PTPRR: variants seen among roughly 807,000 people sequenced by gnomAD.
PTPRR encodes protein tyrosine phosphatase receptor type R.
A neutral mutation model predicts 77.2 loss-of-function variants in PTPRR; 38 were observed. The observed-to-expected ratio is 0.49, with a 90% CI of 0.38 to 0.65. The LOEUF (loss-of-function observed/expected upper bound fraction) is 0.65, where lower values mean the gene tolerates loss of function less well. PTPRR is among the 30% of genes least tolerant of loss of function. The probability of loss-of-function intolerance (pLI) is 0.00; values close to 1 mark genes in which losing one functional copy is unlikely to be tolerated. For missense variants in PTPRR, 744 were observed against 799.2 expected (o/e 0.93, Z 0.83); for synonymous variants, 299 against 283.1 (o/e 1.06, Z -0.57).
intron 1 of PTPRR, among the ~76,000 whole-genome samples, chr12:70,899,273 A>T (rs1441656423): frequency 1.3e-5 from 2 of 151,486 alleles, no homozygotes; most frequent in Non-Finnish European, 3.0e-5. Flanking sequence ...CCTAAAAAAA[A>T]ACACTATAGA....
chr12:70,642,969 G>A (rs1007865936), intron 13 of PTPRR, among the ~76,000 whole-genome samples: 21 of 152,202 alleles, frequency 1.4e-4, no homozygotes, highest in Admixed American at 1.1e-3. Flanking sequence ...CCAGGAGCTC[G>A]AGACCAGCCT....
intron 2 of PTPRR, among the ~76,000 whole-genome samples, chr12:70,843,535 T>C (rs1192184294): frequency 1.3e-5 from 2 of 152,162 alleles, no homozygotes; most frequent in Admixed American, 6.6e-5. Context: ...GTAAGATATA[T>C]GGAATGAAGT....
chr12:70,723,982 C>T (rs1039258401), intron 6 of PTPRR, among the ~76,000 whole-genome samples: 1 of 151,916 alleles, frequency 6.6e-6, no homozygotes, highest in East Asian at 1.9e-4. Context: ...ATTAGACAAA[C>T]ACACAAAAAA....
intron 8 of PTPRR, among the ~76,000 whole-genome samples, chr12:70,697,260 T>C (rs1358038058): frequency 6.6e-6 from 1 of 152,174 alleles, no homozygotes; most frequent in Non-Finnish European, 1.5e-5. Context: ...AAAATTATAG[T>C]TATCCTCATG....
At chr12:70,701,359 A>G (rs891123074) in intron 6 of PTPRR, 36 bp from the exon 7 acceptor site, 9 of 1,580,442 alleles carry the variant, frequency 5.7e-6, no homozygotes, top group African/African-American at 1.3e-5. Context: ...TAAACACCAC[A>G]TACTTATTTT....
At chr12:70,744,385 C>T (rs984182697) in intron 6 of PTPRR, among the ~76,000 whole-genome samples, 1 of 152,184 alleles carries the variant, frequency 6.6e-6, no homozygotes, top group African/African-American at 2.4e-5. Flanking sequence ...TGGAGACCTA[C>T]ATTGCCCATC....
At chr12:70,837,651 A>G (rs1892327209) in intron 2 of PTPRR, among the ~76,000 whole-genome samples, 1 of 152,146 alleles carries the variant, frequency 6.6e-6, no homozygotes, top group South Asian at 2.1e-4. Flanking sequence ...CTCTCTGGGT[A>G]TGCCACCCTC....
chr12:70,798,874 T>C (rs969730469), intron 2 of PTPRR, among the ~76,000 whole-genome samples: 4 of 152,016 alleles, frequency 2.6e-5, no homozygotes, highest in African/African-American at 9.7e-5. Flanking sequence ...CTTTGAGGAG[T>C]AAGCCACTTT....
chr12:70,726,483 G>A (rs1889440896), intron 6 of PTPRR, among the ~76,000 whole-genome samples: 1 of 151,980 alleles, frequency 6.6e-6, no homozygotes, highest in African/African-American at 2.4e-5. Context: ...ACTCTTATGA[G>A]TTATACATGT....
chr12:70,882,523 G>A (rs1490955241), intron 2 of PTPRR, among the ~76,000 whole-genome samples: 1 of 152,142 alleles, frequency 6.6e-6, no homozygotes, highest in African/African-American at 2.4e-5. Flanking sequence ...GGCCAGTCCG[G>A]CAAGACGCAA....
At chr12:70,897,380 T>C (rs921919654) in intron 1 of PTPRR, among the ~76,000 whole-genome samples, 12 of 151,970 alleles carry the variant, frequency 7.9e-5, no homozygotes, top group Admixed American at 2.6e-4. Flanking sequence ...AAGACATTTA[T>C]GCAGCCAAAA....
At chr12:70,675,810 CTGGGTAGT>C in intron 10 of PTPRR, among the ~76,000 whole-genome samples, 1 of 151,470 alleles carries the variant, frequency 6.6e-6, no homozygotes, top group Admixed American at 6.6e-5. Context: ...GTATAAAGTT[CTGGGTAGT>C]CAAGTATTTT....
chr12:70,888,864 T>C (rs17814589), intron 2 of PTPRR, among the ~76,000 whole-genome samples: 18,118 of 152,130 alleles, frequency 0.12, 1,409 homozygotes, highest in Non-Finnish European at 0.18. Context: ...CAGGCTACTG[T>C]AGTTTTTCAC....
In PTPRR at chr12:70,752,503, G is replaced by C. The variant is rs184099348; in HGVS notation, c.738+1688C>G. On this transcript the variant is annotated intron_variant, in intron 5 of 13. Coordinates refer to ENST00000283228, the MANE Select transcript of PTPRR (RefSeq NM_002849.4). Reference sequence around the variant, plus strand: ...ATTTATCTAGTTACATTCAGTACATGAGCACGCCCTGAGTTAGAAATGCAG... The same window carrying C: ...ATTTATCTAGTTACATTCAGTACATCAGCACGCCCTGAGTTAGAAATGCAG... Among the ~76,000 whole-genome samples the C allele has an allele frequency of 9.2e-4, 140 of 152,252 alleles. 1 individual carries two copies. The highest frequency in any genetic ancestry group is 6.8e-3 in the Middle Eastern group (2 of 294).
chr12:70,827,520 C>A lies in PTPRR; in HGVS notation c.358-62742G>T, dbSNP rs192247065. ...GGGGTAAGGGAGCTCTCCAGAATAT[C>A]TTTTCTTTTTTCTTTCTTTCTTTCT... On this transcript the variant is annotated intron_variant, in intron 2 of 13. Transcript: ENST00000283228. Among the ~76,000 whole-genome samples, 927 of 149,504 alleles carry A rather than the reference C, an allele frequency of 6.2e-3. 9 individuals carry two copies. The highest frequency in any genetic ancestry group is 0.022 in the African/African-American group (899 of 39,956).
chr12:70,662,530 A>T lies in PTPRR; in HGVS notation c.1573T>A (p.Cys525Ser). The T allele has an allele frequency of 6.2e-7, 1 of 1,611,156 alleles. No homozygotes were observed. The highest frequency in any genetic ancestry group is 8.5e-7 in the Non-Finnish European group (1 of 1,177,884). ...AGGTTTCGAATGGTGTAGTTATCAC[A>T]TTCATTTACACTGATAACCAGAACC... ...VEVLVISVNE[C>S]DNYTIRNLVL... The change falls in exon 11 of 14, where the codon TGT becomes AGT. Residue 525 changes from cysteine (C) to serine (S), a missense_variant. Around this residue, in one of 3 missense-constraint regions of PTPRR, gnomAD observed 170 missense variants for 209.8 expected, o/e 0.81. Coordinates refer to ENST00000283228, the MANE Select transcript of PTPRR (RefSeq NM_002849.4).
chr12:70,892,847 T>C lies in PTPRR; in HGVS notation c.189A>G (p.Arg63=), dbSNP rs553156575. 9 of 1,613,618 alleles carry C rather than the reference T, an allele frequency of 5.6e-6. No individual in the cohort carries two copies. In the East Asian group the frequency reaches 1.8e-4, roughly 32 times the overall value. The change falls in exon 2 of 14, where the codon AGA becomes AGG. Residue 63 remains arginine, a synonymous_variant. Transcript: ENST00000283228. ...SLDIAPQKIY[R]HSYHSSSEAQ... ...CTTCGGAAGAGGAATGGTAGCTATG[T>C]CTGTAGATTTTTTGTGGGGCTATAT...
At chr12:70,718,418 A>G (rs972467435) in intron 6 of PTPRR, among the ~76,000 whole-genome samples, 1 of 152,096 alleles carries the variant, frequency 6.6e-6, no homozygotes, top group African/African-American at 2.4e-5. Context: ...GGCGTGTGCC[A>G]CCATGCTCAG....
chr12:70,728,669 A>G (rs1016755265), intron 6 of PTPRR, among the ~76,000 whole-genome samples: 2 of 150,458 alleles, frequency 1.3e-5, no homozygotes, highest in African/African-American at 4.9e-5. Context: ...ATTTTGGAGC[A>G]CTTTGGATTT....
Sources: allele counts gnomAD v4.1 joint callset (sites outside exome capture counted in the v4.1 genomes callset), GRCh38; gene constraint gnomAD v4.1.1; regional missense constraint gnomAD v4.1.1; transcripts MANE v1.5; gene names NCBI Gene and HGNC (gene_info 2026-07-23, HGNC 2026-07-21).